GRIK2: variants seen among roughly 807,000 people sequenced by gnomAD.
The protein encoded by GRIK2 is glutamate ionotropic receptor kainate type subunit 2.
GRIK2 carries 32 observed loss-of-function variants against 100.3 expected under a neutral mutation model. The ratio of observed to expected loss-of-function variants is 0.32; its 90% CI spans 0.24 to 0.43. GRIK2 has a LOEUF of 0.43. Ranked by LOEUF, GRIK2 falls within the 20% of genes least tolerant of loss-of-function variation. The probability of loss-of-function intolerance (pLI) is 1.00; values close to 1 mark genes in which losing one functional copy is unlikely to be tolerated. For synonymous variants in GRIK2, 417 were observed against 389.4 expected, an observed-to-expected ratio of 1.07 and a Z score of -0.83; for missense variants, 843 against 1,114.9, an observed-to-expected ratio of 0.76 and a Z score of 3.47.
At chr6:101,577,170 AAAC>A (rs1486078358) in intron 2 of GRIK2, among the ~76,000 whole-genome samples, 8 of 152,082 alleles carry the variant, frequency 5.3e-5, no homozygotes, top group Admixed American at 2.0e-4. Flanking sequence ...TACAAAAAAA[AAAC>A]AACAACATCA....
intron 4 of GRIK2, among the ~76,000 whole-genome samples, chr6:101,644,578 G>A (rs1455615318): frequency 6.6e-6 from 1 of 151,798 alleles, no homozygotes; most frequent in Non-Finnish European, 1.5e-5. Context: ...TCACTGGACA[G>A]GTTGGAGGCA....
intron 14 of GRIK2, among the ~76,000 whole-genome samples, chr6:102,000,730 G>A (rs1018267410): frequency 5.9e-5 from 9 of 151,986 alleles, no homozygotes; most frequent in African/African-American, 1.9e-4. Flanking sequence ...ATCTACAATG[G>A]TGTCACTTCT....
intron 3 of GRIK2, among the ~76,000 whole-genome samples, chr6:101,623,549 G>A (rs1311558676): frequency 6.6e-6 from 1 of 152,052 alleles, no homozygotes; most frequent in Non-Finnish European, 1.5e-5. Flanking sequence ...TATGAGTGCA[G>A]TATAGATAAA....
intron 7 of GRIK2, among the ~76,000 whole-genome samples, chr6:101,706,013 T>A (rs1367171009): frequency 6.6e-6 from 1 of 151,944 alleles, no homozygotes; most frequent in African/African-American, 2.4e-5. Context: ...CTGGACAGAA[T>A]ATGCTTCTGT....
At chr6:102,055,644 CAA>C (rs1771427549) in intron 16 of GRIK2, 64 bp downstream of exon 16, 5 of 1,230,030 alleles carry the variant, frequency 4.1e-6, no homozygotes, top group Non-Finnish European at 5.8e-6. Flanking sequence ...AAACACAAAC[CAA>C]AAGAGTTTTT....
intron 14 of GRIK2, among the ~76,000 whole-genome samples, chr6:101,964,188 CAT>C (rs1189231753): frequency 6.6e-6 from 1 of 150,770 alleles, no homozygotes. Context: ...TATCATTACA[CAT>C]ATAACATCAT....
chr6:102,047,608 G>A (rs1349734627), intron 15 of GRIK2, among the ~76,000 whole-genome samples: 1 of 151,880 alleles, frequency 6.6e-6, no homozygotes, highest in Non-Finnish European at 1.5e-5. Context: ...AATTAGCTGG[G>A]CATGGTGGTG....
At chr6:101,946,592 A>T (rs1791294052) in intron 14 of GRIK2, among the ~76,000 whole-genome samples, 1 of 152,174 alleles carries the variant, frequency 6.6e-6, no homozygotes, top group East Asian at 1.9e-4. Context: ...TAAATACGTA[A>T]CAAACTATCT....
intron 2 of GRIK2, among the ~76,000 whole-genome samples, chr6:101,400,834 A>G (rs1259459540): frequency 1.3e-5 from 2 of 152,230 alleles, no homozygotes; most frequent in Non-Finnish European, 2.9e-5. Context: ...GCACTGGGTT[A>G]TAGCTGGATT....
intron 2 of GRIK2, among the ~76,000 whole-genome samples, chr6:101,545,955 T>G (rs1345514873): frequency 6.6e-6 from 1 of 152,150 alleles, no homozygotes; most frequent in Non-Finnish European, 1.5e-5. Flanking sequence ...CATTTTTTTT[T>G]TTTCTGAGCT....
At chr6:101,537,049 G>A (rs1399646782) in intron 2 of GRIK2, among the ~76,000 whole-genome samples, 1 of 151,668 alleles carries the variant, frequency 6.6e-6, no homozygotes, top group Non-Finnish European at 1.5e-5. Flanking sequence ...TAGTTTTCTG[G>A]AGTAATGTTT....
chr6:101,548,161 G>A (rs1776340231), intron 2 of GRIK2, among the ~76,000 whole-genome samples: 1 of 152,014 alleles, frequency 6.6e-6, no homozygotes, highest in Non-Finnish European at 1.5e-5. Flanking sequence ...ACTTTTTGAT[G>A]GGGTTGTTTG....
chr6:101,729,636 G>T (rs530677788), intron 7 of GRIK2, among the ~76,000 whole-genome samples: 10 of 151,672 alleles, frequency 6.6e-5, no homozygotes, highest in African/African-American at 2.2e-4. Flanking sequence ...CCAAAGAAGC[G>T]TCATATCCTG....
intron 11 of GRIK2, among the ~76,000 whole-genome samples, chr6:101,888,794 C>G (rs1168688231): frequency 6.6e-6 from 1 of 152,106 alleles, no homozygotes; most frequent in Non-Finnish European, 1.5e-5. Flanking sequence ...AAAGTTTTTA[C>G]ATTTATTAAT....
At chr6:101,688,309 T>C (rs1366041058) in intron 7 of GRIK2, among the ~76,000 whole-genome samples, 1 of 151,652 alleles carries the variant, frequency 6.6e-6, no homozygotes, top group Non-Finnish European at 1.5e-5. Context: ...AATGTGCCCC[T>C]TCATGTATCA....
intron 12 of GRIK2, among the ~76,000 whole-genome samples, chr6:101,902,703 T>A (rs193072895): frequency 1.3e-5 from 2 of 151,906 alleles, no homozygotes; most frequent in Non-Finnish European, 2.9e-5. Flanking sequence ...CATGGAAATT[T>A]TTTTAACTAC....
At chr6:101,807,022 CA>C (rs1170625086) in intron 9 of GRIK2, among the ~76,000 whole-genome samples, 2 of 151,570 alleles carry the variant, frequency 1.3e-5, no homozygotes, top group African/African-American at 4.8e-5. Context: ...AGTATGTACT[CA>C]AGAAATATTT....
At chr6:101,460,467 A>T (rs1375475313) in intron 2 of GRIK2, among the ~76,000 whole-genome samples, 1 of 152,258 alleles carries the variant, frequency 6.6e-6, no homozygotes, top group Non-Finnish European at 1.5e-5. Flanking sequence ...GTAATGTAAC[A>T]CAAGTTGAAA....
At chr6:101,909,567 C>A (rs1788512446) in intron 12 of GRIK2, among the ~76,000 whole-genome samples, 1 of 150,554 alleles carries the variant, frequency 6.6e-6, no homozygotes, top group Non-Finnish European at 1.5e-5. Context: ...TCTTGGCCTT[C>A]TTTCGTGAGC....
Sources: gnomAD v4.1 joint callset for allele counts (sites outside exome capture counted in the v4.1 genomes callset) on GRCh38, gnomAD v4.1.1 for gene constraint, MANE v1.5 for transcripts, NCBI Gene and HGNC (gene_info 2026-07-23, HGNC 2026-07-21) for gene names.